Variants in MAPK10 observed in about 807,000 individuals in gnomAD.
MAPK10 encodes mitogen-activated protein kinase 10.
A neutral mutation model predicts 59.3 loss-of-function variants in MAPK10; 25 were observed. The ratio of observed to expected loss-of-function variants is 0.42; its 90% confidence interval spans 0.31 to 0.59. The LOEUF (loss-of-function observed/expected upper bound fraction) is 0.59. MAPK10 is among the 20% of genes least tolerant of loss of function. MAPK10 has a pLI of 0.15. For synonymous variants in MAPK10, 190 were observed against 200.5 expected (o/e 0.95, Z 0.44); for missense variants, 351 against 568.9 (o/e 0.62, Z 3.90).
intron 1 of MAPK10, among the ~76,000 whole-genome samples, chr4:86,389,113 G>A (rs572315012): frequency 6.6e-6 from 1 of 152,106 alleles, no homozygotes; most frequent in South Asian, 2.1e-4. Flanking sequence ...CTTTGGTGCT[G>A]TTCTCCTGCT....
intron 2 of MAPK10, among the ~76,000 whole-genome samples, chr4:86,230,314 C>T (rs535384496): frequency 6.6e-6 from 1 of 152,156 alleles, no homozygotes; most frequent in African/African-American, 2.4e-5. Flanking sequence ...TATGAATTAC[C>T]GTATGACTTT....
intron 2 of MAPK10, among the ~76,000 whole-genome samples, chr4:86,342,776 C>A (rs1466785936): frequency 6.6e-6 from 1 of 152,176 alleles, no homozygotes; most frequent in Non-Finnish European, 1.5e-5. Flanking sequence ...CCTTCTTTAA[C>A]AATGAGACCC....
chr4:86,196,377 G>A (rs1341649458), intron 2 of MAPK10, among the ~76,000 whole-genome samples: 1 of 152,104 alleles, frequency 6.6e-6, no homozygotes, highest in East Asian at 1.9e-4. Context: ...AGAAGTGTCT[G>A]TTCATATCCT....
chr4:86,540,114 TGTCTTTGGGAGA>T (rs1211223044), intron 1 of MAPK10, among the ~76,000 whole-genome samples: 3 of 152,240 alleles, frequency 2.0e-5, no homozygotes, highest in Non-Finnish European at 4.4e-5. Context: ...TCAGAGCCAT[TGTCTTTGGGAGA>T]GGAGAAATCC....
chr4:86,313,833 A>G (rs544201424), intron 2 of MAPK10, among the ~76,000 whole-genome samples: 2 of 152,282 alleles, frequency 1.3e-5, no homozygotes, highest in Admixed American at 6.5e-5. Flanking sequence ...CAGGGATCCA[A>G]TGATCTAGCA....
chr4:86,486,033 T>C (rs1473684738), intron 1 of MAPK10, among the ~76,000 whole-genome samples: 1 of 152,162 alleles, frequency 6.6e-6, no homozygotes, highest in Non-Finnish European at 1.5e-5. Context: ...ACTAATATGG[T>C]AGGCCATAAA....
At chr4:86,361,983 T>A (rs560692663), upstream of MAPK10, among the ~76,000 whole-genome samples, 3 of 152,178 alleles carry the variant, frequency 2.0e-5, no homozygotes, top group East Asian at 5.8e-4. Flanking sequence ...CACAGCACAG[T>A]GACTATAGTT....
Position 86,128,983 on chromosome 4 carries a change from G to A in MAPK10, c.237-21631C>T, listed in dbSNP as rs192766797. 1.3e-3 allele frequency among the ~76,000 whole-genome samples: 204 copies of A among 152,174 alleles called. 2 individuals are homozygous for A. The highest frequency in any genetic ancestry group is 0.013 in the Admixed American group (199 of 15,268). On this transcript the variant is annotated intron_variant, in intron 4 of 13. Coordinates refer to ENST00000641462, the MANE Select transcript of MAPK10 (RefSeq NM_138982.4). Reference sequence around the variant, plus strand: ...AGTGTAAACAAGAAAATTCCTATATGCCTTTCTGATTCTAATTTTACAGTT... The same window carrying A: ...AGTGTAAACAAGAAAATTCCTATATACCTTTCTGATTCTAATTTTACAGTT...
At chr4:86,328,820 G>T (rs1246010432) in intron 2 of MAPK10, among the ~76,000 whole-genome samples, 1 of 152,052 alleles carries the variant, frequency 6.6e-6, no homozygotes, top group African/African-American at 2.4e-5. Context: ...ATGGACACAG[G>T]GAGGGAAACA....
intron 1 of MAPK10, among the ~76,000 whole-genome samples, chr4:86,375,617 G>C (rs1156623280): frequency 6.8e-6 from 1 of 148,114 alleles, no homozygotes; most frequent in Non-Finnish European, 1.5e-5. Context: ...TGGAAGGTAG[G>C]GATGAGAGAA....
intron 2 of MAPK10, among the ~76,000 whole-genome samples, chr4:86,288,992 T>C (rs1247430865): frequency 6.7e-6 from 1 of 149,538 alleles, no homozygotes; most frequent in East Asian, 2.0e-4. Context: ...ATAAAATAAA[T>C]AAACACTATA....
intron 9 of MAPK10, among the ~76,000 whole-genome samples, chr4:86,087,534 A>G (rs1215076163): frequency 6.6e-6 from 1 of 152,146 alleles, no homozygotes; most frequent in Admixed American, 6.6e-5. Flanking sequence ...TGATGTGGTA[A>G]ATTATAGACG....
intron 2 of MAPK10, among the ~76,000 whole-genome samples, chr4:86,270,369 AT>A (rs1306665142): frequency 7.3e-5 from 11 of 150,476 alleles, no homozygotes; most frequent in East Asian, 3.9e-4. Context: ...ATGAAAAAAA[AT>A]GTGTGCTATT....
chr4:86,527,303 C>T (rs1245172402), intron 1 of MAPK10, among the ~76,000 whole-genome samples: 1 of 66,254 alleles, frequency 1.5e-5, no homozygotes, highest in Non-Finnish European at 3.0e-5. Context: ...CAGAGTGAGA[C>T]ACTGTTGCCA....
At chr4:86,101,427 A>T in intron 7 of MAPK10, 2 of 495,714 alleles carry the variant, frequency 4.0e-6, no homozygotes, top group African/African-American at 1.9e-5. Flanking sequence ...TTGTATTATC[A>T]TTTTCACAAT....
At chr4:86,138,910 A>C (rs951539230) in intron 4 of MAPK10, among the ~76,000 whole-genome samples, 7 of 151,678 alleles carry the variant, frequency 4.6e-5, no homozygotes, top group African/African-American at 1.7e-4. Context: ...ACAGCCAAAT[A>C]ATGAGTGAAC....
At chr4:86,510,642 T>C (rs1231647862) in intron 1 of MAPK10, among the ~76,000 whole-genome samples, 2 of 152,032 alleles carry the variant, frequency 1.3e-5, no homozygotes, top group African/African-American at 2.4e-5. Context: ...TGTATACAGA[T>C]ATACATGAAT....
intron 2 of MAPK10, among the ~76,000 whole-genome samples, chr4:86,260,367 G>C (rs1239817061): frequency 1.3e-5 from 2 of 152,076 alleles, no homozygotes; most frequent in African/African-American, 2.4e-5. Context: ...GGAATTATTA[G>C]TCTAATAAAT....
intron 1 of MAPK10, among the ~76,000 whole-genome samples, chr4:86,438,758 A>G (rs1006331527): frequency 4.0e-5 from 6 of 151,684 alleles, no homozygotes; most frequent in Admixed American, 2.0e-4. Flanking sequence ...TGAGGGGGCC[A>G]GTAAGACTGA....
Sources: allele counts gnomAD v4.1 joint callset (sites outside exome capture counted in the v4.1 genomes callset), GRCh38; gene constraint gnomAD v4.1.1; transcripts MANE v1.5; gene names NCBI Gene and HGNC (gene_info 2026-07-23, HGNC 2026-07-21).